The following PDE11A variants were observed in gnomAD, a reference collection of about 807,000 sequenced individuals.
PDE11A encodes dual 3',5'-cyclic-AMP and -GMP phosphodiesterase 11A.
A neutral mutation model predicts 100.5 loss-of-function variants in PDE11A; 100 were observed. The observed-to-expected ratio is 1.00, with a 90% CI of 0.85 to 1.18. The LOEUF is 1.18. Ranked by LOEUF, PDE11A falls within the 50% of genes most tolerant of loss-of-function variation. The pLI, the probability that PDE11A is intolerant of heterozygous loss-of-function variation, is 0.00. For missense variants in PDE11A, 1,141 were observed against 1,152.6 expected (o/e 0.99, Z 0.15); for synonymous variants, 381 against 420.8 (o/e 0.91, Z 1.16).
Position 177,709,797 on chromosome 2 carries a change from T to A in PDE11A, c.2153+1972A>T, listed in dbSNP as rs78486046. Among the ~76,000 whole-genome samples the A allele has an allele frequency of 3.7e-3, 558 of 151,968 alleles. 3 individuals carry two copies. The highest frequency in any genetic ancestry group is 0.013 in the African/African-American group (522 of 41,430). On this transcript the variant is annotated intron_variant, in intron 13 of 19. Transcript: ENST00000286063. Reference sequence around the variant, plus strand: ...AGGAAGGAGGGAGCGACAAAGTATATCTCATGGCAAGAGGTATTATGAAAG... The same window carrying A: ...AGGAAGGAGGGAGCGACAAAGTATAACTCATGGCAAGAGGTATTATGAAAG...
chr2:178,057,489 C>G (rs967498211), intron 1 of PDE11A, among the ~76,000 whole-genome samples: 1 of 152,142 alleles, frequency 6.6e-6, no homozygotes, highest in African/African-American at 2.4e-5. Context: ...CAGAGAGTTC[C>G]CAGCCTGACC....
chr2:177,962,136 G>A (rs2085642496), intron 2 of PDE11A, among the ~76,000 whole-genome samples: 1 of 149,890 alleles, frequency 6.7e-6, no homozygotes, highest in Non-Finnish European at 1.5e-5. Context: ...TTTGGGAAAT[G>A]CTACTTTATG....
chr2:178,047,076 G>C lies in PDE11A; in HGVS notation c.912+24450C>G, dbSNP rs375527386. ...TTTTACTTGGAGACAAAAGGACTCA[G>C]ATCCTATGACATGATAGTTGTCTAT... is the stretch of plus-strand genomic sequence containing the variant. On this transcript the variant is annotated intron_variant, in intron 1 of 19. Coordinates refer to ENST00000286063, the MANE Select transcript of PDE11A (RefSeq NM_016953.4). Among the ~76,000 whole-genome samples the C allele has an allele frequency of 6.6e-5, 10 of 151,580 alleles. 1 individual carries two copies. The East Asian group carries it at 1.6e-3, about 24-fold the overall frequency.
At chr2:177,671,349 A>G (rs1189156728) in intron 17 of PDE11A, among the ~76,000 whole-genome samples, 1 of 152,154 alleles carries the variant, frequency 6.6e-6, no homozygotes, top group Non-Finnish European at 1.5e-5. Flanking sequence ...TTACTGATTG[A>G]ATTTTTTATT....
intron 2 of PDE11A, among the ~76,000 whole-genome samples, chr2:177,987,775 A>G (rs1574325310): frequency 1.3e-5 from 2 of 152,158 alleles, no homozygotes. Flanking sequence ...TTTATCATTT[A>G]TTATGTTTTT....
intron 7 of PDE11A, 115 bp from the exon 8 acceptor site, chr2:177,818,040 C>G: frequency 1.4e-6 from 1 of 691,864 alleles, no homozygotes; most frequent in South Asian, 1.5e-5. Flanking sequence ...TCAGTTTAAA[C>G]TCTGGTCTCT....
intron 5 of PDE11A, among the ~76,000 whole-genome samples, chr2:177,859,900 A>G (rs1454646704): frequency 6.6e-6 from 1 of 152,014 alleles, no homozygotes; most frequent in East Asian, 1.9e-4. Context: ...AAATTAGAAA[A>G]TACTTTGAAT....
chr2:177,829,052 T>A (rs1354037059), intron 6 of PDE11A, among the ~76,000 whole-genome samples: 2 of 152,060 alleles, frequency 1.3e-5, no homozygotes, highest in African/African-American at 2.4e-5. Context: ...AGATTCTGGA[T>A]AAATTAAGCA....
chr2:177,633,434 G>A (rs2079986628), intron 19 of PDE11A, among the ~76,000 whole-genome samples: 1 of 152,168 alleles, frequency 6.6e-6, no homozygotes, highest in Non-Finnish European at 1.5e-5. Context: ...ATGAATATGA[G>A]TAAAATGTAA....
chr2:178,106,636 C>G (rs2087620868), intron 1 of PDE11A, among the ~76,000 whole-genome samples: 1 of 152,076 alleles, frequency 6.6e-6, no homozygotes, highest in Admixed American at 6.6e-5. Context: ...ACTAGATAAT[C>G]TTTATTTCCA....
At chr2:177,913,865 C>CA (rs2084915661) in intron 2 of PDE11A, among the ~76,000 whole-genome samples, 1 of 152,072 alleles carries the variant, frequency 6.6e-6, no homozygotes, top group Non-Finnish European at 1.5e-5. Context: ...TGCACCTGGA[C>CA]AATACTTCTG....
intron 1 of PDE11A, among the ~76,000 whole-genome samples, chr2:178,037,139 T>C (rs2086624343): frequency 6.6e-6 from 1 of 152,148 alleles, no homozygotes; most frequent in Non-Finnish European, 1.5e-5. Flanking sequence ...AAAGGTCTAA[T>C]ATCCAGAATC....
chr2:177,844,551 A>AT (rs1242327573), intron 5 of PDE11A, among the ~76,000 whole-genome samples: 6 of 148,114 alleles, frequency 4.1e-5, no homozygotes, highest in Non-Finnish European at 9.0e-5. Context: ...TAATTTATTT[A>AT]TTTTTTATTG....
At chr2:177,944,956 G>A (rs966494280) in intron 2 of PDE11A, among the ~76,000 whole-genome samples, 1 of 148,712 alleles carries the variant, frequency 6.7e-6, no homozygotes, top group Admixed American at 6.7e-5. Flanking sequence ...TCAGCCTGCT[G>A]AGTGCCTGCC....
intron 5 of PDE11A, among the ~76,000 whole-genome samples, chr2:177,843,658 G>T (rs1008465874): frequency 6.6e-6 from 1 of 152,134 alleles, no homozygotes; most frequent in African/African-American, 2.4e-5. Context: ...AGTGTAGAAG[G>T]AATATTGACT....
chr2:178,081,380 T>C (rs745543292), intron 2 of PDE11A, among the ~76,000 whole-genome samples: 1 of 152,186 alleles, frequency 6.6e-6, no homozygotes. Flanking sequence ...TACCAGTTTA[T>C]AAAAGAAAAT....
chr2:177,709,846 G>A (rs544728087), intron 13 of PDE11A, among the ~76,000 whole-genome samples: 16 of 152,168 alleles, frequency 1.1e-4, no homozygotes, highest in Non-Finnish European at 2.1e-4. Context: ...AGGTCCGACA[G>A]CTTTGAGAAA....
At chr2:178,079,870 G>T (rs1159475759) in intron 2 of PDE11A, among the ~76,000 whole-genome samples, 1 of 152,200 alleles carries the variant, frequency 6.6e-6, no homozygotes, top group East Asian at 1.9e-4. Context: ...TCTCATTGTG[G>T]TTTTCATTTG....
intron 9 of PDE11A, among the ~76,000 whole-genome samples, chr2:177,781,932 C>A (rs958039764): frequency 6.6e-6 from 1 of 152,112 alleles, no homozygotes; most frequent in Non-Finnish European, 1.5e-5. Context: ...ATTCATTCAC[C>A]ATTTTTTCAC....
Sources: allele counts gnomAD v4.1 joint callset (sites outside exome capture counted in the v4.1 genomes callset), GRCh38; gene constraint gnomAD v4.1.1; transcripts MANE v1.5; gene names NCBI Gene and HGNC (gene_info 2026-07-23, HGNC 2026-07-21).